The following KPTN variants were observed in gnomAD, a reference collection of about 807,000 sequenced individuals.
The protein encoded by KPTN is KICSTOR complex protein kaptin.
KPTN carries 36 observed loss-of-function variants against 52.6 expected under a neutral mutation model. The observed-to-expected ratio is 0.68, with a 90% CI of 0.52 to 0.90. The LOEUF (loss-of-function observed/expected upper bound fraction) is 0.90. KPTN is among the 40% of genes least tolerant of loss of function. The pLI is 0.00. For synonymous variants in KPTN, 271 were observed against 248.4 expected (o/e 1.09, Z -0.85); for missense variants, 529 against 576.2 (o/e 0.92, Z 0.84).
chr19:47,476,935 G>T lies in KPTN; in HGVS notation c.867C>A (p.Asp289Glu). 1 of 1,554,808 alleles carries T rather than the reference G, an allele frequency of 6.4e-7. No individual in the cohort carries two copies. Among genetic ancestry groups the T allele is most frequent in the East Asian group, 2.4e-5 (1 of 41,324 alleles). ...SMLEPAVVYR[D>E]LLNRGLEDQL... ...GGTCTTCAAGACCCCGGTTCAGCAG[G>T]TCCCTGAGGGTCCCAAATACAGCAT... Residue 289 changes from aspartate (D) to glutamate (E), a missense_variant, in exon 10 of 12, where the codon GAC (aspartate) becomes GAA (glutamate). Coordinates refer to ENST00000338134, the MANE Select transcript of KPTN (RefSeq NM_007059.4).
Position 47,484,095 on chromosome 19 carries a change from G to A in KPTN, c.66C>T (p.Phe22=). 6.2e-7 allele frequency: 1 copy of A among 1,606,008 alleles called. No individual in the cohort carries two copies. The highest frequency in any genetic ancestry group is 8.5e-7 in the Non-Finnish European group (1 of 1,179,712). The change falls in exon 1 of 12, where the codon TTC becomes TTT. Residue 22 remains phenylalanine (F), a synonymous_variant. Transcript: ENST00000338134. ...CPLREDSFTR[F]SSQSNVYGLA... ...GCCCGTACACATTGCTCTGCGACGAGAAGCGCGTGAAGCTGTCCTCGCGCA... is the reference window on the plus strand; with the variant it reads ...GCCCGTACACATTGCTCTGCGACGAAAAGCGCGTGAAGCTGTCCTCGCGCA...
chr19:47,475,580 A>G (rs1253374455), intron 11 of KPTN, 36 bp from the exon 12 acceptor site: 5 of 1,605,038 alleles, frequency 3.1e-6, no homozygotes, highest in Non-Finnish European at 4.3e-6. Context: ...GATGGAGCTG[A>G]GGAAGAGCTG....
Position 47,483,391 on chromosome 19 carries a change from C to T in KPTN, c.310-12G>A, listed in dbSNP as rs754887351. ...TTGTCCCCTGAATCCTGGCGGAGGA[C>T]ACGGGGTTCAGGGGAGGGCAGGGGT... On this transcript the variant is annotated splice_polypyrimidine_tract_variant and intron_variant, in intron 2 of 11. Transcript: ENST00000338134. 2.5e-6 allele frequency: 4 copies of T among 1,613,106 alleles called. No individual in the cohort carries two copies. Among genetic ancestry groups the T allele is most frequent in the South Asian group, 2.2e-5 (2 of 91,052 alleles).
chr19:47,483,066 C>G (rs1395277871), intron 4 of KPTN, 95 bp downstream of exon 4: 5 of 1,230,450 alleles, frequency 4.1e-6, no homozygotes, highest in Non-Finnish European at 1.2e-6. Flanking sequence ...GAAGGGGAAA[C>G]AGACTACAGG....
intron 8 of KPTN, among the ~76,000 whole-genome samples, chr19:47,479,074 G>A (rs759639243): frequency 2.0e-5 from 3 of 152,150 alleles, no homozygotes; most frequent in Non-Finnish European, 4.4e-5. Flanking sequence ...ATGGAGCCTG[G>A]CTCCGCCACC....
upstream of KPTN, chr19:47,484,649 C>G (rs1312226280): frequency 6.3e-6 from 1 of 159,376 alleles, no homozygotes; most frequent in Non-Finnish European, 1.4e-5. Context: ...TAAGATCACA[C>G]AGCTAGTAAC....
chr19:47,475,539 G>A lies in KPTN; in HGVS notation c.1188C>T (p.Ser396=). Residue 396 remains serine (S), a synonymous_variant, in exon 12 of 12, where the codon AGC becomes AGT. Coordinates refer to ENST00000338134, the MANE Select transcript of KPTN (RefSeq NM_007059.4). ...AGACCAGCTCTGAGGCCTGAATCAG[G>A]CTGTGCTGTGGGGAACAAGAGAATG... The part of the protein sequence containing the change: ...SLKGVHILQH[S]LIQASELVLT... 1 of 1,612,416 alleles carries A rather than the reference G, an allele frequency of 6.2e-7. No individual in the cohort carries two copies. The highest frequency in any genetic ancestry group is 8.5e-7 in the Non-Finnish European group (1 of 1,178,738).
intron 6 of KPTN, 159 bp from the exon 7 acceptor site, chr19:47,480,566 C>G (rs1967842120): frequency 1.4e-6 from 1 of 735,256 alleles, no homozygotes; most frequent in African/African-American, 1.8e-5. Context: ...GAGGTCAATT[C>G]TCACCACCCG....
intron 3 of KPTN, 37 bp from the exon 4 acceptor site, chr19:47,483,252 C>A: frequency 6.2e-7 from 1 of 1,612,932 alleles, no homozygotes; most frequent in Non-Finnish European, 8.5e-7. Context: ...CATGGGGGAC[C>A]TGCTGGGGAC....
Position 47,475,375 on chromosome 19 carries a change from A to G in KPTN, c.*41T>C, listed in dbSNP as rs757244856. 1.9e-6 allele frequency: 3 copies of G among 1,601,922 alleles called. No individual in the cohort carries two copies. Among genetic ancestry groups the G allele is most frequent in the African/African-American group, 1.3e-5 (1 of 74,670 alleles). On this transcript the variant is annotated 3_prime_UTR_variant, in exon 12 of 12. Transcript: ENST00000338134. ...ACCAGCGGCTGGAGGTGAGCACGCC[A>G]TGAGTCGCCCCAGGTCTGGGAAGAG...
At chr19:47,480,603 C>G (rs1599874888) in intron 6 of KPTN, 157 bp downstream of exon 6, 1 of 803,834 alleles carries the variant, frequency 1.2e-6, no homozygotes, top group East Asian at 2.4e-5. Flanking sequence ...CTTGTTTTTT[C>G]TGGGGTCACC....
At chr19:47,477,830 C>T (rs777189910) in intron 8 of KPTN, 49 bp from the exon 9 acceptor site, 43 of 1,388,062 alleles carry the variant, frequency 3.1e-5, no homozygotes, top group South Asian at 1.0e-4. Context: ...GAGGCCAAGG[C>T]GGGTGGATCA....
chr19:47,477,580 G>A (rs1290739211), intron 9 of KPTN, 126 bp downstream of exon 9: 8 of 647,912 alleles, frequency 1.2e-5, no homozygotes, highest in South Asian at 1.7e-5. Context: ...CCTGGGTCAC[G>A]AGTATCTGTA....
At chr19:47,483,110 G>T (rs769889514) in intron 4 of KPTN, 51 bp downstream of exon 4, 12 of 1,554,150 alleles carry the variant, frequency 7.7e-6, no homozygotes, top group Non-Finnish European at 8.9e-6. Flanking sequence ...CGAGAAGCCA[G>T]GGTTTCTACA....
At chr19:47,482,053 C>T (rs575622741) in intron 4 of KPTN, among the ~76,000 whole-genome samples, 30 of 152,334 alleles carry the variant, frequency 2.0e-4, no homozygotes, top group Admixed American at 1.8e-3. Context: ...GAATGTCAGA[C>T]TCTAGAACAT....
rs953254678 is a variant in KPTN, at chr19:47,480,117, C to T, written c.710-177G>A. ...CACCCTCATCCCTTCCCCCACTTCC[C>T]CTACCTCACCCAGCAATAGCCCTCG... On this transcript the variant is annotated intron_variant, in intron 7 of 11. Transcript: ENST00000338134. Among the ~76,000 whole-genome samples, 4 of 120,356 alleles carry T rather than the reference C, an allele frequency of 3.3e-5. No individual in the cohort carries two copies. The East Asian group carries it at 1.0e-3, about 31-fold the overall frequency. 79.0% of individuals were successfully genotyped at this position (120,356 alleles called of 152,430 possible). A position where few individuals can be genotyped will look rare whatever the true frequency, so the allele number is the denominator to read the frequency against.
intron 6 of KPTN, 95 bp downstream of exon 6, chr19:47,480,662 GCTC>G (rs909583748): frequency 1.8e-6 from 2 of 1,113,354 alleles, no homozygotes; most frequent in Admixed American, 3.5e-5. Context: ...ATTTTTCTGA[GCTC>G]CTCCCCGGTG....
intron 8 of KPTN, among the ~76,000 whole-genome samples, 177 bp downstream of exon 8, chr19:47,479,686 G>A (rs995711018): frequency 2.0e-5 from 3 of 152,078 alleles, no homozygotes; most frequent in Non-Finnish European, 4.4e-5. Context: ...CAAGAGGGGA[G>A]GGGAGGGAAG....
chr19:47,479,791 G>A (rs1568455600), intron 8 of KPTN, 72 bp downstream of exon 8: 3 of 1,279,562 alleles, frequency 2.3e-6, no homozygotes, highest in East Asian at 4.9e-5. Flanking sequence ...CTGGGTAGAA[G>A]GACCCAAGAA....
Sources: allele counts gnomAD v4.1 joint callset (sites outside exome capture counted in the v4.1 genomes callset), GRCh38; gene constraint gnomAD v4.1.1; transcripts MANE v1.5; gene names NCBI Gene and HGNC (gene_info 2026-07-23, HGNC 2026-07-21).